ANKRD36C: variants seen among roughly 807,000 people sequenced by gnomAD.
ANKRD36C encodes ankyrin repeat domain-containing protein 36C.
In ANKRD36C, 61 loss-of-function variants were observed where a neutral mutation model predicts 276.4. The observed-to-expected ratio is 0.22, with a 90% confidence interval of 0.18 to 0.27. The LOEUF (loss-of-function observed/expected upper bound fraction) is 0.27. Among genes scored for constraint, ANKRD36C ranks in the 10% least tolerant of loss-of-function variants. The pLI is 1.00. For synonymous variants in ANKRD36C, 483 were observed against 680.1 expected (o/e 0.71, Z 4.51); for missense variants, 1,447 against 2,032.3 (o/e 0.71, Z 5.54).
exon 59 of ANKRD36C, chr2:95,876,496 T>C: frequency 3.7e-6 from 6 of 1,608,966 alleles, no homozygotes; most frequent in Non-Finnish European, 5.1e-6. Flanking sequence ...CTGATGCCAT[T>C]TCTAAGTCTT....
intron 24 of ANKRD36C, among the ~76,000 whole-genome samples, chr2:95,934,245 A>G (rs1419209831): frequency 1.3e-5 from 2 of 152,094 alleles, no homozygotes; most frequent in African/African-American, 4.8e-5. Context: ...TAGCAATCCC[A>G]TTACTGAATA....
At chr2:95,886,767 A>G (rs568120852) in intron 50 of ANKRD36C, among the ~76,000 whole-genome samples, 3,337 of 151,804 alleles carry the variant, frequency 0.022, 56 homozygotes, top group Non-Finnish European at 0.034. Flanking sequence ...ACCTAAATCG[A>G]TCAACGTGGA....
chr2:95,890,853 G>A (rs560456567), intron 46 of ANKRD36C, among the ~76,000 whole-genome samples: 1 of 151,474 alleles, frequency 6.6e-6, no homozygotes, highest in Admixed American at 6.6e-5. Context: ...TTTTTGGGAG[G>A]ACCATGTTAT....
At chr2:95,896,569 A>C (rs1173803341) in intron 44 of ANKRD36C, among the ~76,000 whole-genome samples, 7 of 148,802 alleles carry the variant, frequency 4.7e-5, no homozygotes, top group East Asian at 4.0e-4. Flanking sequence ...TTTATAACTA[A>C]AATCAACAAA....
At chr2:95,989,716 C>T (rs1252022608) in intron 1 of ANKRD36C, among the ~76,000 whole-genome samples, 1 of 152,116 alleles carries the variant, frequency 6.6e-6, no homozygotes, top group African/African-American at 2.4e-5. Flanking sequence ...GTGATACTTA[C>T]CAACAAATTG....
chr2:95,849,403 G>A (rs2950715), downstream of ANKRD36C, among the ~76,000 whole-genome samples: 4 of 152,302 alleles, frequency 2.6e-5, no homozygotes, highest in South Asian at 2.1e-4. Flanking sequence ...TATTGATTTA[G>A]ATTTTACTCA....
At chr2:95,973,911 G>A (rs1238040166) in intron 6 of ANKRD36C, among the ~76,000 whole-genome samples, 2 of 152,056 alleles carry the variant, frequency 1.3e-5, no homozygotes, top group African/African-American at 4.8e-5. Context: ...AGCTTGGTGT[G>A]GTGGCATATG....
intron 60 of ANKRD36C, among the ~76,000 whole-genome samples, chr2:95,866,945 G>C (rs766035835): frequency 1.3e-5 from 2 of 152,104 alleles, no homozygotes; most frequent in Non-Finnish European, 1.5e-5. Flanking sequence ...CACAGAGAAG[G>C]GTATGCAGTG....
downstream of ANKRD36C, among the ~76,000 whole-genome samples, chr2:95,850,714 G>C (rs1298606028): frequency 1.3e-5 from 2 of 152,232 alleles, no homozygotes; most frequent in Non-Finnish European, 2.9e-5. Flanking sequence ...CAAAGTCAAT[G>C]ACTAGAGATT....
At chr2:95,951,381 T>G in exon 15 of ANKRD36C, 2 of 1,502,336 alleles carry the variant, frequency 1.3e-6, no homozygotes, top group Non-Finnish European at 1.8e-6. Context: ...ATAATCTTTC[T>G]CTTTGGGATG....
intron 59 of ANKRD36C, among the ~76,000 whole-genome samples, 169 bp from the exon 80 acceptor site, chr2:95,867,750 C>T (rs571954968): frequency 1.3e-4 from 19 of 151,272 alleles, no homozygotes; most frequent in African/African-American, 4.6e-4. Context: ...TTCAGAAGAC[C>T]ACATGGTCTA....
intron 59 of ANKRD36C, among the ~76,000 whole-genome samples, chr2:95,874,615 A>G (rs929545009): frequency 2.0e-5 from 3 of 152,254 alleles, no homozygotes; most frequent in Non-Finnish European, 4.4e-5. Flanking sequence ...GGACATAGGC[A>G]TGGGCAAGGA....
chr2:95,954,004 T>C (rs1279006305), exon 14 of ANKRD36C: 3 of 1,530,120 alleles, frequency 2.0e-6, no homozygotes, highest in East Asian at 4.9e-5. Context: ...CTGTAGAGAC[T>C]CCTACAGAGC....
At chr2:95,913,377 T>A (rs1297395081) in intron 40 of ANKRD36C, among the ~76,000 whole-genome samples, 1 of 151,350 alleles carries the variant, frequency 6.6e-6, no homozygotes, top group Admixed American at 6.6e-5. Context: ...AGGAAGCAAA[T>A]TTATTCATAT....
intron 59 of ANKRD36C, among the ~76,000 whole-genome samples, chr2:95,875,077 T>C (rs28856333): frequency 0.36 from 55,016 of 151,862 alleles, 10,636 homozygotes; most frequent in East Asian, 0.65. Context: ...TTTACACTGT[T>C]GGTGGGACTG....
chr2:95,927,022 G>A (rs1677421784), intron 28 of ANKRD36C, among the ~76,000 whole-genome samples, 192 bp downstream of exon 28: 1 of 151,470 alleles, frequency 6.6e-6, no homozygotes, highest in African/African-American at 2.4e-5. Context: ...TCAATGTGGG[G>A]AAGTCTATAA....
At chr2:95,879,079 A>G (rs1676017617) in intron 58 of ANKRD36C, among the ~76,000 whole-genome samples, 1 of 152,222 alleles carries the variant, frequency 6.6e-6, no homozygotes, top group East Asian at 1.9e-4. Flanking sequence ...TCAACAGAAA[A>G]ATGGGTTCTA....
intron 42 of ANKRD36C, among the ~76,000 whole-genome samples, chr2:95,902,394 T>A (rs1427231478): frequency 6.7e-6 from 1 of 150,154 alleles, no homozygotes; most frequent in East Asian, 2.0e-4. Context: ...ATTATATAAA[T>A]GACTTCCTCT....
At chr2:95,961,318 A>G (rs934112377) in intron 8 of ANKRD36C, among the ~76,000 whole-genome samples, 3 of 152,044 alleles carry the variant, frequency 2.0e-5, no homozygotes, top group Non-Finnish European at 4.4e-5. Flanking sequence ...AAGTTTCTTC[A>G]TCCACTCATG....
Sources: gnomAD v4.1 joint callset for allele counts (sites outside exome capture counted in the v4.1 genomes callset) on GRCh38, gnomAD v4.1.1 for gene constraint, MANE v1.5 for transcripts, NCBI Gene and HGNC (gene_info 2026-07-23, HGNC 2026-07-21) for gene names.